Variants in PTPRM observed in about 807,000 individuals in gnomAD.
PTPRM encodes protein tyrosine phosphatase receptor type M, also known as receptor-type tyrosine-protein phosphatase mu.
In PTPRM, 47 loss-of-function variants were observed where a neutral mutation model predicts 186.7. The ratio of observed to expected loss-of-function variants is 0.25; its 90% CI spans 0.20 to 0.32. The LOEUF is 0.32. Ranked by LOEUF, PTPRM falls within the 10% of genes least tolerant of loss-of-function variation. The pLI is 1.00. For missense variants in PTPRM, 1,494 were observed against 1,865.0 expected (o/e 0.80, Z 3.66); for synonymous variants, 668 against 674.9 (o/e 0.99, Z 0.16).
chr18:8,254,115 A>ACAG (rs1190881649), intron 19 of PTPRM, among the ~76,000 whole-genome samples: 1 of 152,230 alleles, frequency 6.6e-6, no homozygotes, highest in Admixed American at 6.5e-5. Context: ...TGGAGATCAG[A>ACAG]CAGCAGTACA....
intron 7 of PTPRM, among the ~76,000 whole-genome samples, chr18:8,025,289 A>G (rs1459840247): frequency 2.0e-5 from 3 of 152,158 alleles, no homozygotes; most frequent in Non-Finnish European, 4.4e-5. Flanking sequence ...AGCTGACTTA[A>G]GTGACCATAC....
At chr18:7,813,930 T>C (rs144878242) in intron 2 of PTPRM, among the ~76,000 whole-genome samples, 2 of 152,346 alleles carry the variant, frequency 1.3e-5, no homozygotes, top group African/African-American at 4.8e-5. Context: ...TAAAAAATTA[T>C]TATTAACATG....
chr18:8,126,448 T>C (rs754817019), intron 13 of PTPRM, among the ~76,000 whole-genome samples: 1 of 152,122 alleles, frequency 6.6e-6, no homozygotes, highest in Non-Finnish European at 1.5e-5. Context: ...ATAATTTCGA[T>C]CACCCATTTC....
At chr18:7,868,118 A>G (rs565020289) in intron 2 of PTPRM, among the ~76,000 whole-genome samples, 1 of 152,244 alleles carries the variant, frequency 6.6e-6, no homozygotes, top group African/African-American at 2.4e-5. Context: ...CAAAGTACTT[A>G]GCTTCCTTGA....
intron 23 of PTPRM, chr18:8,365,037 C>T (rs1047962795): frequency 6.6e-6 from 1 of 152,216 alleles, no homozygotes; most frequent in East Asian, 1.9e-4. Flanking sequence ...ATTCTGCTCT[C>T]CTGCCCACCC....
At chr18:8,179,031 TACA>T (rs981496881) in intron 14 of PTPRM, among the ~76,000 whole-genome samples, 162 of 152,308 alleles carry the variant, frequency 1.1e-3, no homozygotes, top group African/African-American at 3.8e-3. Flanking sequence ...AGGGACTGCA[TACA>T]GAAGGTATGA....
At chr18:8,155,252 A>C (rs913019629) in intron 14 of PTPRM, among the ~76,000 whole-genome samples, 6 of 152,210 alleles carry the variant, frequency 3.9e-5, no homozygotes, top group Non-Finnish European at 8.8e-5. Context: ...TGTAAGCACT[A>C]TCAATTTTAC....
At chr18:8,347,584 G>GTCGCTGTTCCT (rs2095512232) in intron 23 of PTPRM, among the ~76,000 whole-genome samples, 1 of 152,184 alleles carries the variant, frequency 6.6e-6, no homozygotes. Flanking sequence ...TGCAGTGGTG[G>GTCGCTGTTCCT]TCGCTGTTCC....
At chr18:7,771,989 G>A (rs968822546) in intron 1 of PTPRM, among the ~76,000 whole-genome samples, 15 of 152,206 alleles carry the variant, frequency 9.9e-5, no homozygotes, top group African/African-American at 1.4e-4. Context: ...TACAAAAGCC[G>A]TATGGGATTT....
intron 13 of PTPRM, chr18:8,122,369 C>G (rs1340200457): frequency 1.3e-5 from 2 of 152,654 alleles, no homozygotes; most frequent in Non-Finnish European, 2.9e-5. Flanking sequence ...ACTCATTTTT[C>G]TCAGCTCTGT....
At chr18:7,783,691 C>T (rs539272685) in intron 2 of PTPRM, among the ~76,000 whole-genome samples, 14 of 151,760 alleles carry the variant, frequency 9.2e-5, no homozygotes, top group African/African-American at 2.9e-4. Context: ...CCTGCTTGGG[C>T]CTCTGGAGTA....
intron 16 of PTPRM, 100 bp downstream of exon 16, chr18:8,248,019 GT>G (rs1407618667): frequency 2.9e-6 from 4 of 1,357,386 alleles, no homozygotes; most frequent in Non-Finnish European, 4.2e-6. Flanking sequence ...GGCTTACTGT[GT>G]TTGAGATGTT....
intron 13 of PTPRM, 72 bp from the exon 14 acceptor site, chr18:8,143,575 A>T (rs1037199217): frequency 1.1e-5 from 17 of 1,496,498 alleles, no homozygotes; most frequent in Non-Finnish European, 1.6e-5. Context: ...ATGCAGCGAA[A>T]TTTTTTAAAC....
intron 2 of PTPRM, among the ~76,000 whole-genome samples, chr18:7,886,394 G>C (rs2048788081): frequency 6.6e-6 from 1 of 152,106 alleles, no homozygotes. Context: ...GACAGTTAAA[G>C]TTCTTCCTTA....
At chr18:7,706,028 A>G (rs115311629) in intron 1 of PTPRM, among the ~76,000 whole-genome samples, 6,458 of 148,448 alleles carry the variant, frequency 0.044, 437 homozygotes, top group African/African-American at 0.14. Flanking sequence ...ATAATAGAAA[A>G]CATACTATAT....
At chr18:8,189,950 A>G (rs2093689669) in intron 14 of PTPRM, among the ~76,000 whole-genome samples, 2 of 152,236 alleles carry the variant, frequency 1.3e-5, no homozygotes, top group South Asian at 4.1e-4. Flanking sequence ...TGTTAAACAT[A>G]TATTCAATAC....
chr18:8,257,721 G>T lies in PTPRM; in HGVS notation c.2754+4307G>T, dbSNP rs145765623. 3.9e-5 allele frequency among the ~76,000 whole-genome samples: 6 copies of T among 152,224 alleles called. No homozygotes were observed. The South Asian group carries it at 1.2e-3, about 32-fold the overall frequency. On this transcript the variant is annotated intron_variant, in intron 19 of 32. Transcript: ENST00000580170. The stretch of plus-strand genomic sequence containing the variant: ...TGTGACTCTGTGTAATCATCCCATC[G>T]GCCTTTCTGGTCTTCTTCAATCTGT...
chr18:7,772,437 C>CTTTCT (rs1428575538), intron 1 of PTPRM, among the ~76,000 whole-genome samples: 1 of 129,178 alleles, frequency 7.7e-6, no homozygotes, highest in African/African-American at 3.2e-5. Flanking sequence ...CCTTCCCCTT[C>CTTTCT]CCCTTCCCCT....
At chr18:8,091,486 A>G (rs1006279350) in intron 11 of PTPRM, among the ~76,000 whole-genome samples, 4 of 152,148 alleles carry the variant, frequency 2.6e-5, no homozygotes, top group Admixed American at 6.5e-5. Flanking sequence ...GAAACCTGCT[A>G]TAGACATCAT....
Sources: allele counts gnomAD v4.1 joint callset (sites outside exome capture counted in the v4.1 genomes callset), GRCh38; gene constraint gnomAD v4.1.1; transcripts MANE v1.5; gene names NCBI Gene and HGNC (gene_info 2026-07-23, HGNC 2026-07-21).